Variants in CORO2A observed in about 807,000 individuals in gnomAD.
CORO2A encodes coronin-2A.
CORO2A carries 47 observed loss-of-function variants against 62.4 expected under a neutral mutation model. That is an observed-to-expected ratio of 0.75 (90% CI 0.60 to 0.96). The LOEUF is 0.96. CORO2A is among the 40% of genes least tolerant of loss of function. The probability of loss-of-function intolerance (pLI) is 0.00; values close to 1 mark genes in which losing one functional copy is unlikely to be tolerated. For synonymous variants in CORO2A, 273 were observed against 268.9 expected (o/e 1.02, Z -0.15); for missense variants, 610 against 684.1 (o/e 0.89, Z 1.21).
chr9:98,133,473 G>C (rs1039053581), intron 4 of CORO2A, among the ~76,000 whole-genome samples: 3 of 152,168 alleles, frequency 2.0e-5, no homozygotes, highest in Non-Finnish European at 2.9e-5. Flanking sequence ...CATCCATGCT[G>C]GGAGGACCCC....
chr9:98,176,099 G>T (rs1327830551), intron 1 of CORO2A, among the ~76,000 whole-genome samples: 1 of 152,122 alleles, frequency 6.6e-6, no homozygotes, highest in African/African-American at 2.4e-5. Flanking sequence ...TTTCCTCAAA[G>T]CGGCAATATC....
chr9:98,152,861 A>G (rs1392186708), intron 2 of CORO2A, among the ~76,000 whole-genome samples: 1 of 152,204 alleles, frequency 6.6e-6, no homozygotes, highest in African/African-American at 2.4e-5. Context: ...AGTGATGAAG[A>G]CTAAGAGATG....
chr9:98,139,334 A>G (rs1827535881), intron 2 of CORO2A, among the ~76,000 whole-genome samples: 1 of 152,166 alleles, frequency 6.6e-6, no homozygotes, highest in African/African-American at 2.4e-5. Flanking sequence ...TCTACAAAAA[A>G]TCAAAAAATT....
chr9:98,130,946 C>A lies in CORO2A; in HGVS notation c.870+9G>T, dbSNP rs766992834. 1.1e-5 allele frequency: 18 copies of A among 1,611,864 alleles called. No homozygotes were observed. The Admixed American group carries it at 2.8e-4, about 25-fold the overall frequency. On this transcript the variant is annotated intron_variant, in intron 7 of 11. Transcript: ENST00000375077. Reference sequence around the variant, plus strand: ...CCAGGAGGTCACCTCCCTCCCGTGCCAAGCCGACCTTCCCCACCACGTAGA... The same window carrying A: ...CCAGGAGGTCACCTCCCTCCCGTGCAAAGCCGACCTTCCCCACCACGTAGA...
At chr9:98,154,210 T>A (rs1292458858) in intron 2 of CORO2A, among the ~76,000 whole-genome samples, 1 of 151,646 alleles carries the variant, frequency 6.6e-6, no homozygotes, top group East Asian at 1.9e-4. Context: ...AGGAAAGAAG[T>A]TGTTCATCTT....
Position 98,122,817 on chromosome 9 carries a change from T to C in CORO2A, c.*1957A>G, listed in dbSNP as rs1827260586. ...AGGCAGGCTGTGTACCTGAGGGCCT[T>C]GGTGGTGGCAGTCAGCAGTCATGGG... is the stretch of plus-strand genomic sequence containing the variant. On this transcript the variant is annotated 3_prime_UTR_variant, in exon 12 of 12. Coordinates refer to ENST00000375077, the MANE Select transcript of CORO2A (RefSeq NM_052820.4). 6.6e-6 allele frequency: 1 copy of C among 152,262 alleles called. No homozygotes were observed. Among genetic ancestry groups the C allele is most frequent in the Admixed American group, 6.6e-5 (1 of 15,262 alleles). 9.4% of individuals were successfully genotyped at this position (152,262 alleles called of 1,614,324 possible). A position where few individuals can be genotyped will look rare whatever the true frequency, so the allele number is the denominator to read the frequency against.
chr9:98,158,015 G>A (rs73657104), intron 1 of CORO2A, among the ~76,000 whole-genome samples: 8,220 of 152,228 alleles, frequency 0.054, 641 homozygotes, highest in African/African-American at 0.18. Context: ...CCCTCAGCCC[G>A]ACTAAGTAGG....
At chr9:98,154,329 G>GTGTGTGTGTATATATATATATATATATA in intron 2 of CORO2A, among the ~76,000 whole-genome samples, 1 of 88,962 alleles carries the variant, frequency 1.1e-5, no homozygotes, top group African/African-American at 5.4e-5. Flanking sequence ...GTGTTTGTGT[G>GTGTGTGTGTATATATATATATATATATA]TATATATATA....
chr9:98,177,457 G>GTTTTTTTTTTTTTTTTTTTTTTTTT (rs1174402008), intron 1 of CORO2A, among the ~76,000 whole-genome samples: 1 of 98,346 alleles, frequency 1.0e-5, no homozygotes, highest in Non-Finnish European at 1.9e-5. Context: ...TCCAAACTTT[G>GTTTTTTTTTTTTTTTTTTTTTTTTT]TTTTTTTTTT....
At chr9:98,188,294 A>G (rs1828263172) in intron 1 of CORO2A, among the ~76,000 whole-genome samples, 1 of 151,732 alleles carries the variant, frequency 6.6e-6, no homozygotes, top group African/African-American at 2.4e-5. Flanking sequence ...AACCCCTCCT[A>G]TGTTCTATTT....
At position 98,137,701 on chromosome 9, in the gene CORO2A, G is replaced by A. The variant is rs1258353062; in HGVS notation, c.202-13C>T. On this transcript the variant is annotated splice_polypyrimidine_tract_variant and intron_variant, in intron 2 of 11. Transcript: ENST00000375077. ...CCAACTTCCCTGTCTGCAAGACAGT[G>A]CCCAGGAGGGTTGGGGAGGAGGTGG... The A allele has an allele frequency of 1.2e-6, 2 of 1,600,254 alleles. No individual in the cohort carries two copies. The highest frequency in any genetic ancestry group is 1.7e-6 in the Non-Finnish European group (2 of 1,167,230).
rs574302185 is a variant in CORO2A at position 98,122,591 on chromosome 9, G to A, written c.*2183C>T. The A allele has an allele frequency of 2.3e-4, 35 of 152,142 alleles. No individual in the cohort carries two copies. Among genetic ancestry groups the A allele is most frequent in the Non-Finnish European group, 5.1e-4 (35 of 68,074 alleles). 9.4% of individuals were successfully genotyped at this position (152,142 alleles called of 1,614,324 possible). On this transcript the variant is annotated 3_prime_UTR_variant, in exon 12 of 12. Coordinates refer to ENST00000375077, the MANE Select transcript of CORO2A (RefSeq NM_052820.4). ...CTCGGAACACAGATTCACTAAGGAG[G>A]GACAAAGAAAAGCTTTCAGGCTAAA... is the stretch of plus-strand genomic sequence containing the variant.
intron 2 of CORO2A, among the ~76,000 whole-genome samples, chr9:98,150,489 G>C (rs948125074): frequency 3.9e-5 from 6 of 152,146 alleles, no homozygotes; most frequent in Non-Finnish European, 5.9e-5. Context: ...GCCTCAAGTG[G>C]CTCTCGGCTC....
At chr9:98,147,594 A>T (rs1401920462) in intron 2 of CORO2A, among the ~76,000 whole-genome samples, 2 of 152,232 alleles carry the variant, frequency 1.3e-5, no homozygotes, top group Admixed American at 1.3e-4. Flanking sequence ...GGGAAGTCAG[A>T]TTTAGCAAGT....
At chr9:98,159,906 C>G (rs1827860792) in intron 1 of CORO2A, among the ~76,000 whole-genome samples, 1 of 152,128 alleles carries the variant, frequency 6.6e-6, no homozygotes, top group South Asian at 2.1e-4. Flanking sequence ...CTACGCTGGT[C>G]AAGATAAAGA....
chr9:98,132,018 C>A (rs2231663), intron 6 of CORO2A, among the ~76,000 whole-genome samples, 167 bp downstream of exon 6: 2 of 152,192 alleles, frequency 1.3e-5, no homozygotes, highest in Admixed American at 6.5e-5. Flanking sequence ...CTGGGCTCGC[C>A]CGGGGCTGTC....
intron 3 of CORO2A, among the ~76,000 whole-genome samples, chr9:98,137,071 T>G (rs1408611283): frequency 6.6e-6 from 1 of 152,072 alleles, no homozygotes; most frequent in Non-Finnish European, 1.5e-5. Flanking sequence ...CACTGAACAT[T>G]GTTGGGGCAG....
chr9:98,127,788 A>C (rs1178504330), intron 10 of CORO2A, among the ~76,000 whole-genome samples: 1 of 131,710 alleles, frequency 7.6e-6, no homozygotes, highest in Non-Finnish European at 1.6e-5. Flanking sequence ...ACTGCACTCC[A>C]GCCTGGGCAA....
chr9:98,126,741 G>C lies in CORO2A; in HGVS notation c.1254C>G (p.Ser418=). Residue 418 remains serine (S), a synonymous_variant, in exon 11 of 12, where the codon TCC becomes TCG. Coordinates refer to ENST00000375077, the MANE Select transcript of CORO2A (RefSeq NM_052820.4). ...PLPAERPIFN[S]MAPASPRLLN... is the part of the protein sequence containing the mutation. ...AGAGCCGGGGTGAGGCTGGGGCCAT[G>C]GAATTGAAGATAGGTCTCTCTGCAG... 1 of 1,614,216 alleles carries C rather than the reference G, an allele frequency of 6.2e-7. No homozygotes were observed. Among genetic ancestry groups the C allele is most frequent in the Non-Finnish European group, 8.5e-7 (1 of 1,180,048 alleles).
Sources: gnomAD v4.1 joint callset for allele counts (sites outside exome capture counted in the v4.1 genomes callset) on GRCh38, gnomAD v4.1.1 for gene constraint, MANE v1.5 for transcripts, NCBI Gene and HGNC (gene_info 2026-07-23, HGNC 2026-07-21) for gene names.